FBXL17: variants seen among roughly 807,000 people sequenced by gnomAD.
FBXL17 encodes the protein F-box/LRR-repeat protein 17.
In FBXL17, 22 loss-of-function variants were observed where a neutral mutation model predicts 66.2. The observed-to-expected ratio is 0.33, with a 90% CI of 0.24 to 0.47. FBXL17 has a LOEUF of 0.47. Ranked by LOEUF, FBXL17 falls within the 20% of genes least tolerant of loss-of-function variation. The pLI is 1.00. For synonymous variants in FBXL17, 474 were observed against 400.5 expected, an observed-to-expected ratio of 1.18 and a Z score of -2.19; for missense variants, 878 against 948.2, an observed-to-expected ratio of 0.93 and a Z score of 0.97.
chr5:108,125,809 T>C (rs1750675211), intron 6 of FBXL17, among the ~76,000 whole-genome samples: 1 of 152,148 alleles, frequency 6.6e-6, no homozygotes, highest in African/African-American at 2.4e-5. Flanking sequence ...TTTATATTCA[T>C]TTGTGTTTAT....
chr5:108,265,430 CATA>C (rs1316783333), intron 4 of FBXL17, among the ~76,000 whole-genome samples: 3 of 152,070 alleles, frequency 2.0e-5, no homozygotes, highest in Non-Finnish European at 2.9e-5. Flanking sequence ...CAACAATTCC[CATA>C]ATATTAGATC....
intron 6 of FBXL17, among the ~76,000 whole-genome samples, chr5:108,142,327 T>A (rs902338444): frequency 6.6e-6 from 1 of 152,236 alleles, no homozygotes; most frequent in Admixed American, 6.5e-5. Context: ...TTTCAAAGAC[T>A]GTTTTGGTAC....
chr5:107,879,802 G>A (rs1355781493), intron 8 of FBXL17: 1 of 985,304 alleles, frequency 1.0e-6, no homozygotes, highest in Non-Finnish European at 1.2e-6. Context: ...CACTTTCTGA[G>A]CAAGTATCTG....
intron 1 of FBXL17, among the ~76,000 whole-genome samples, chr5:108,369,541 TAC>T: frequency 6.6e-6 from 1 of 152,258 alleles, no homozygotes; most frequent in South Asian, 2.1e-4. Context: ...GAAATCTCTG[TAC>T]TATCATTGCA....
chr5:108,004,052 T>C (rs559763531), intron 7 of FBXL17, among the ~76,000 whole-genome samples: 2 of 151,920 alleles, frequency 1.3e-5, no homozygotes, highest in South Asian at 4.2e-4. Flanking sequence ...ACATTAAAAG[T>C]AAAAAGAAGA....
rs765035255 is a variant in FBXL17, at chr5:108,143,441, T to C, written c.1745+42676A>G. Among the ~76,000 whole-genome samples the C allele has an allele frequency of 2.0e-5, 3 of 152,010 alleles. No individual in the cohort carries two copies. In the East Asian group the frequency reaches 5.8e-4, roughly 29 times the overall value. On this transcript the variant is annotated intron_variant, in intron 6 of 8. Transcript: ENST00000542267. ...GTAGTATTTTATAAAGAACATGAAG[T>C]GTAACCCAAGGTATCTCTTCATGAC...
chr5:108,380,212 T>G (rs1345146704), intron 1 of FBXL17, among the ~76,000 whole-genome samples: 2 of 152,200 alleles, frequency 1.3e-5, no homozygotes, highest in Non-Finnish European at 2.9e-5. Flanking sequence ...GTTAACTAGA[T>G]AAATGGGATA....
intron 6 of FBXL17, among the ~76,000 whole-genome samples, chr5:108,045,759 T>C (rs1361797820): frequency 6.6e-6 from 1 of 152,236 alleles, no homozygotes; most frequent in East Asian, 1.9e-4. Flanking sequence ...TTTCCAAGTG[T>C]TTGGAGAATT....
At chr5:108,092,973 T>C (rs1164989890) in intron 6 of FBXL17, among the ~76,000 whole-genome samples, 1 of 152,146 alleles carries the variant, frequency 6.6e-6, no homozygotes, top group East Asian at 1.9e-4. Context: ...ACACAGAAAA[T>C]TGGCAATAGA....
rs552823081 is a variant in FBXL17, at chr5:108,188,183, T to C, written c.1615-1936A>G. Among the ~76,000 whole-genome samples, 410 of 152,240 alleles carry C rather than the reference T, an allele frequency of 2.7e-3. 2 individuals carry two copies. The highest frequency in any genetic ancestry group is 3.4e-3 in the Non-Finnish European group (231 of 68,016). On this transcript the variant is annotated intron_variant, in intron 5 of 8. Transcript: ENST00000542267. Reference sequence around the variant, plus strand: ...GTACTCACACTCTTTCCACCTCAGCTCCCAATGGGAGAAGCTATACAGAGA... The same window carrying C: ...GTACTCACACTCTTTCCACCTCAGCCCCCAATGGGAGAAGCTATACAGAGA...
At chr5:108,066,219 A>T (rs286752) in intron 6 of FBXL17, among the ~76,000 whole-genome samples, 118,140 of 152,096 alleles carry the variant, frequency 0.78, 46,264 homozygotes, top group East Asian at 0.93. Flanking sequence ...AGATTATTCA[A>T]ACTCAGCTAA....
intron 4 of FBXL17, among the ~76,000 whole-genome samples, chr5:108,315,594 T>G (rs1429365232): frequency 6.6e-6 from 1 of 151,070 alleles, no homozygotes; most frequent in Non-Finnish European, 1.5e-5. Context: ...GAATTTATTC[T>G]CTTCCAAAAA....
intron 4 of FBXL17, among the ~76,000 whole-genome samples, chr5:108,331,968 A>T (rs1760144610): frequency 6.6e-6 from 1 of 152,254 alleles, no homozygotes; most frequent in South Asian, 2.1e-4. Flanking sequence ...AGAATATCTT[A>T]AAAGTTAGAA....
intron 7 of FBXL17, among the ~76,000 whole-genome samples, chr5:107,955,260 T>TAATTATAAAAAAAAAATCACTCACA (rs1751624090): frequency 6.6e-6 from 1 of 152,062 alleles, no homozygotes; most frequent in South Asian, 2.1e-4. Flanking sequence ...CATCACAAAA[T>TAATTATAAAAAAAAAATCACTCACA]AGTTCTTTCT....
At chr5:108,323,404 A>G (rs1759707713) in intron 4 of FBXL17, among the ~76,000 whole-genome samples, 1 of 151,970 alleles carries the variant, frequency 6.6e-6, no homozygotes, top group African/African-American at 2.4e-5. Context: ...AGGAGGCAAA[A>G]GACTTATACA....
At chr5:107,952,823 A>C (rs1193734231) in intron 7 of FBXL17, among the ~76,000 whole-genome samples, 2 of 152,222 alleles carry the variant, frequency 1.3e-5, no homozygotes, top group African/African-American at 4.8e-5. Flanking sequence ...TTTTCTTAGA[A>C]TAGGTAATAA....
intron 5 of FBXL17, among the ~76,000 whole-genome samples, chr5:108,215,864 G>A (rs947159648): frequency 6.6e-6 from 1 of 152,074 alleles, no homozygotes; most frequent in Non-Finnish European, 1.5e-5. Context: ...CCATGTTATA[G>A]TTAATTTTTA....
chr5:108,290,106 C>T (rs941823951), intron 4 of FBXL17, among the ~76,000 whole-genome samples: 1 of 152,158 alleles, frequency 6.6e-6, no homozygotes, highest in African/African-American at 2.4e-5. Flanking sequence ...CATGTTTTAA[C>T]ATCTCTGAAG....
intron 6 of FBXL17, among the ~76,000 whole-genome samples, chr5:108,139,247 G>T (rs1751260332): frequency 6.6e-6 from 1 of 152,136 alleles, no homozygotes; most frequent in Non-Finnish European, 1.5e-5. Context: ...TCCTGGATAG[G>T]AAACATTACA....
Sources: gnomAD v4.1 joint callset for allele counts (sites outside exome capture counted in the v4.1 genomes callset) on GRCh38, gnomAD v4.1.1 for gene constraint, MANE v1.5 for transcripts, NCBI Gene and HGNC (gene_info 2026-07-23, HGNC 2026-07-21) for gene names.